Variants in DTD1 observed in about 807,000 individuals in gnomAD.
The protein encoded by DTD1 is D-aminoacyl-tRNA deacylase 1.
A neutral mutation model predicts 25.6 loss-of-function variants in DTD1; 13 were observed. The observed-to-expected ratio is 0.51, with a 90% CI of 0.33 to 0.81. DTD1 has a LOEUF of 0.81. Ranked by LOEUF, DTD1 falls within the 30% of genes least tolerant of loss-of-function variation. The pLI, the probability that DTD1 is intolerant of heterozygous loss-of-function variation, is 0.02. For synonymous variants in DTD1, 110 were observed against 103.6 expected (o/e 1.06, Z -0.37); for missense variants, 193 against 266.4 (o/e 0.72, Z 1.92).
chr20:18,676,029 C>T (rs551852004), intron 4 of DTD1, among the ~76,000 whole-genome samples: 221 of 152,230 alleles, frequency 1.5e-3, no homozygotes, highest in African/African-American at 4.6e-3. Flanking sequence ...TAAGACATAT[C>T]ATAGTTTATT....
chr20:18,595,331 A>G (rs2060606243), intron 2 of DTD1, among the ~76,000 whole-genome samples: 1 of 151,900 alleles, frequency 6.6e-6, no homozygotes, highest in Admixed American at 6.6e-5. Flanking sequence ...CAGTGGTGCA[A>G]TCTTAGCTTA....
At chr20:18,743,686 AAAAAAAAG>A (rs1255829301) in intron 4 of DTD1, among the ~76,000 whole-genome samples, 3 of 148,544 alleles carry the variant, frequency 2.0e-5, no homozygotes, top group Non-Finnish European at 3.0e-5. Flanking sequence ...AAAAAAAAAA[AAAAAAAAG>A]AAAAGAAAAG....
intron 4 of DTD1, chr20:18,643,596 A>G (rs1176349471): frequency 6.5e-6 from 1 of 154,202 alleles, no homozygotes; most frequent in Non-Finnish European, 1.4e-5. Context: ...TGTTGCTACC[A>G]TCTTGTGTGA....
intron 4 of DTD1, among the ~76,000 whole-genome samples, chr20:18,696,490 G>A (rs1452938131): frequency 1.3e-5 from 2 of 152,162 alleles, no homozygotes; most frequent in African/African-American, 4.8e-5. Context: ...GGGCGTGACT[G>A]ACACACTGAG....
At chr20:18,696,877 C>A (rs1242301750) in intron 4 of DTD1, among the ~76,000 whole-genome samples, 1 of 151,164 alleles carries the variant, frequency 6.6e-6, no homozygotes, top group Admixed American at 6.6e-5. Flanking sequence ...TTACTGCTTC[C>A]ATTTAAAATC....
At chr20:18,631,050 C>G in intron 4 of DTD1, 7 of 985,440 alleles carry the variant, frequency 7.1e-6, no homozygotes, top group Non-Finnish European at 8.4e-6. Flanking sequence ...GTGCTAACCT[C>G]TTTCCCCTTG....
intron 4 of DTD1, among the ~76,000 whole-genome samples, chr20:18,678,141 C>T (rs1424872017): frequency 6.6e-6 from 1 of 152,206 alleles, no homozygotes; most frequent in Non-Finnish European, 1.5e-5. Flanking sequence ...TCAGGTAGGT[C>T]AGCAAATAAG....
In DTD1 at chr20:18,744,276, G is replaced by C. The variant is rs1165660899; in HGVS notation, c.*19+5G>C. On this transcript the variant is annotated splice_donor_5th_base_variant and intron_variant, in intron 5 of 5. Coordinates refer to ENST00000377452, the MANE Select transcript of DTD1 (RefSeq NM_080820.6). The stretch of plus-strand genomic sequence containing the variant: ...AGCTCAGGAGGCAGAATTCAGGTAG[G>C]AGTTTCCCTGCTTGGCTTCATCTTC... 2.5e-6 allele frequency: 4 copies of C among 1,609,338 alleles called. No homozygotes were observed. The highest frequency in any genetic ancestry group is 2.7e-5 in the African/African-American group (2 of 74,676).
chr20:18,625,418 G>C (rs751669907), intron 3 of DTD1, among the ~76,000 whole-genome samples: 4 of 152,232 alleles, frequency 2.6e-5, no homozygotes, highest in Non-Finnish European at 5.9e-5. Context: ...GCACCTTTGA[G>C]CCAGGCGTCT....
chr20:18,648,858 T>C (rs1443257066), intron 4 of DTD1, among the ~76,000 whole-genome samples: 1 of 151,592 alleles, frequency 6.6e-6, no homozygotes, highest in Non-Finnish European at 1.5e-5. Context: ...TAGCCGGGTG[T>C]GGTGGCAGGG....
chr20:18,628,276 T>TGTAA, intron 4 of DTD1, 43 bp downstream of exon 4: 1 of 1,502,526 alleles, frequency 6.7e-7, no homozygotes, highest in Non-Finnish European at 9.2e-7. Context: ...CTTGGGTGCC[T>TGTAA]GTAACATCCC....
chr20:18,742,240 C>T (rs888594149), intron 4 of DTD1, among the ~76,000 whole-genome samples: 12 of 152,116 alleles, frequency 7.9e-5, no homozygotes, highest in Non-Finnish European at 1.5e-4. Flanking sequence ...GGGGAGTTTT[C>T]GGAGGAGAGT....
In DTD1 at chr20:18,763,052, A is replaced by G. The variant is rs143863874; in HGVS notation, c.*20-308A>G. ...TTTCATTTACTTCAAAGTATTTTCTATTTTGCCTGGTGACTTCTCTTTGAT... is the reference window on the plus strand; with the variant it reads ...TTTCATTTACTTCAAAGTATTTTCTGTTTTGCCTGGTGACTTCTCTTTGAT... On this transcript the variant is annotated intron_variant, in intron 5 of 5. Transcript: ENST00000377452. 1.2e-3 allele frequency among the ~76,000 whole-genome samples: 181 copies of G among 152,230 alleles called. 1 individual carries two copies. The highest frequency in any genetic ancestry group is 4.1e-3 in the African/African-American group (170 of 41,546).
chr20:18,605,848 A>T (rs1398372816), intron 3 of DTD1, among the ~76,000 whole-genome samples: 1 of 149,202 alleles, frequency 6.7e-6, no homozygotes, highest in Non-Finnish European at 1.5e-5. Context: ...AGGCATTACC[A>T]TTCAGGACAT....
At chr20:18,670,494 T>G (rs2060948016) in intron 4 of DTD1, among the ~76,000 whole-genome samples, 1 of 152,242 alleles carries the variant, frequency 6.6e-6, no homozygotes, top group African/African-American at 2.4e-5. Flanking sequence ...TCCATTTGAC[T>G]TCTCAAGAGC....
At chr20:18,737,065 C>G (rs2061258401) in intron 4 of DTD1, among the ~76,000 whole-genome samples, 1 of 152,192 alleles carries the variant, frequency 6.6e-6, no homozygotes, top group South Asian at 2.1e-4. Context: ...CTCAACTCCT[C>G]TGCCACTCCC....
At chr20:18,650,572 T>A (rs2060870601) in intron 4 of DTD1, among the ~76,000 whole-genome samples, 1 of 152,236 alleles carries the variant, frequency 6.6e-6, no homozygotes, top group Non-Finnish European at 1.5e-5. Flanking sequence ...TTTGTCAGAC[T>A]TATCTTTTAA....
chr20:18,660,459 A>G (rs923068000), intron 4 of DTD1, among the ~76,000 whole-genome samples: 9 of 152,046 alleles, frequency 5.9e-5, no homozygotes, highest in African/African-American at 2.2e-4. Context: ...GAGCTCAAGT[A>G]ATCTGCCTGC....
chr20:18,688,199 C>T (rs1011966656), intron 4 of DTD1, among the ~76,000 whole-genome samples: 3 of 152,170 alleles, frequency 2.0e-5, no homozygotes, highest in African/African-American at 7.2e-5. Flanking sequence ...AATTTTTTCA[C>T]CTATCAAATA....
Sources: gnomAD v4.1 joint callset for allele counts (sites outside exome capture counted in the v4.1 genomes callset) on GRCh38, gnomAD v4.1.1 for gene constraint, MANE v1.5 for transcripts, NCBI Gene and HGNC (gene_info 2026-07-23, HGNC 2026-07-21) for gene names.